Variants in CSMD1 observed in about 807,000 individuals in gnomAD.
CSMD1 encodes CUB and Sushi multiple domains 1.
Under a neutral mutation model 417.5 loss-of-function variants are expected in CSMD1, and 213 were observed. The observed-to-expected ratio is 0.51, with a 90% CI of 0.46 to 0.57. The LOEUF (loss-of-function observed/expected upper bound fraction) is 0.57. Among genes scored for constraint, CSMD1 ranks in the 20% least tolerant of loss-of-function variants. The pLI is 0.00. For synonymous variants in CSMD1, 2,862 were observed against 1,736.8 expected, an observed-to-expected ratio of 1.65 and a Z score of -16.11; for missense variants, 6,923 against 4,529.7, an observed-to-expected ratio of 1.53 and a Z score of -15.17.
chr8:3,664,064 G>A (rs1181769433), intron 7 of CSMD1, among the ~76,000 whole-genome samples: 4 of 151,964 alleles, frequency 2.6e-5, no homozygotes, highest in Non-Finnish European at 5.9e-5. Flanking sequence ...TAAGTTCTAG[G>A]GTACATGTGC....
chr8:3,786,107 T>C (rs926294890), intron 5 of CSMD1, among the ~76,000 whole-genome samples: 1 of 152,060 alleles, frequency 6.6e-6, no homozygotes, highest in African/African-American at 2.4e-5. Context: ...GGCGTGTAGT[T>C]TGTGAATCAA....
intron 1 of CSMD1, among the ~76,000 whole-genome samples, chr8:4,804,805 C>A (rs1169318751): frequency 2.6e-5 from 4 of 152,084 alleles, no homozygotes; most frequent in Non-Finnish European, 5.9e-5. Context: ...CCTAGGGGAC[C>A]TAATACAGAT....
Position 3,014,848 on chromosome 8 carries a change from C to A in CSMD1, c.8029+3629G>T, listed in dbSNP as rs185054860. ...GGAGGAGCACTTGAGTCCAGGAGGT[C>A]GAGGTAGCAGTGAGCTGTTGTTGCA... is the stretch of plus-strand genomic sequence containing the variant. On this transcript the variant is annotated intron_variant, in intron 52 of 69. Coordinates refer to ENST00000635120, the MANE Select transcript of CSMD1 (RefSeq NM_033225.6). Among the ~76,000 whole-genome samples, 578 of 151,950 alleles carry A rather than the reference C, an allele frequency of 3.8e-3. 13 individuals carry two copies. Among genetic ancestry groups the A allele is most frequent in the Non-Finnish European group, 1.0e-3 (71 of 67,990 alleles).
At chr8:4,717,329 ACACACACACG>A (rs1257272749) in intron 1 of CSMD1, among the ~76,000 whole-genome samples, 10 of 139,904 alleles carry the variant, frequency 7.1e-5, no homozygotes, top group East Asian at 4.2e-4. Flanking sequence ...ATATATATAC[ACACACACACG>A]TATATATACA....
At chr8:4,728,628 G>C (rs898887957) in intron 1 of CSMD1, among the ~76,000 whole-genome samples, 8 of 151,970 alleles carry the variant, frequency 5.3e-5, no homozygotes, top group African/African-American at 1.7e-4. Flanking sequence ...AAAATTCAAA[G>C]ACCCATGTAT....
chr8:4,159,753 T>G (rs1022358093), intron 3 of CSMD1, among the ~76,000 whole-genome samples: 3 of 152,184 alleles, frequency 2.0e-5, no homozygotes, highest in Non-Finnish European at 4.4e-5. Context: ...CACGCCCGGC[T>G]AATTTTTTAT....
intron 3 of CSMD1, among the ~76,000 whole-genome samples, chr8:4,194,406 T>G (rs1017387021): frequency 6.6e-6 from 1 of 152,162 alleles, no homozygotes; most frequent in African/African-American, 2.4e-5. Context: ...CAATGGACAC[T>G]CCAAATAGCT....
At chr8:3,990,252 ACTT>A (rs968925151) in intron 5 of CSMD1, among the ~76,000 whole-genome samples, 1 of 152,164 alleles carries the variant, frequency 6.6e-6, no homozygotes, top group Non-Finnish European at 1.5e-5. Context: ...TCCATAAAAG[ACTT>A]CTTTTTTCAT....
At chr8:3,425,629 G>C (rs527628897) in intron 12 of CSMD1, among the ~76,000 whole-genome samples, 3 of 150,190 alleles carry the variant, frequency 2.0e-5, no homozygotes, top group Admixed American at 2.0e-4. Context: ...GGAAAAAAAA[G>C]GAAATGCCCT....
chr8:3,721,486 A>G (rs1802172252), intron 6 of CSMD1, among the ~76,000 whole-genome samples: 1 of 152,220 alleles, frequency 6.6e-6, no homozygotes, highest in African/African-American at 2.4e-5. Flanking sequence ...ATCGGTCACT[A>G]AGATAGCAAG....
chr8:3,632,087 G>A (rs1446326371), intron 7 of CSMD1, among the ~76,000 whole-genome samples: 1 of 152,044 alleles, frequency 6.6e-6, no homozygotes, highest in Non-Finnish European at 1.5e-5. Context: ...TTTTGTTATT[G>A]TTGCTTTTAT....
chr8:4,478,231 A>G (rs1352852716), intron 2 of CSMD1, among the ~76,000 whole-genome samples: 3 of 152,200 alleles, frequency 2.0e-5, no homozygotes, highest in Non-Finnish European at 4.4e-5. Context: ...GTTAATACTG[A>G]AAAGCTTCCT....
intron 1 of CSMD1, among the ~76,000 whole-genome samples, chr8:4,814,700 T>A (rs960185353): frequency 6.6e-6 from 1 of 152,176 alleles, no homozygotes; most frequent in East Asian, 1.9e-4. Flanking sequence ...TCCCAGCTCA[T>A]GCAGGTGTAC....
At chr8:4,579,132 T>C (rs1032359230) in intron 2 of CSMD1, among the ~76,000 whole-genome samples, 3 of 152,038 alleles carry the variant, frequency 2.0e-5, no homozygotes, top group Admixed American at 1.3e-4. Flanking sequence ...AGAGCAGTAA[T>C]TGCAGAATGA....
At chr8:4,182,862 A>G (rs1436379607) in intron 3 of CSMD1, among the ~76,000 whole-genome samples, 6 of 152,204 alleles carry the variant, frequency 3.9e-5, no homozygotes, top group Non-Finnish European at 7.4e-5. Context: ...AATTAATAGC[A>G]TCAAACTCAG....
At chr8:3,796,611 G>C (rs75297283) in intron 5 of CSMD1, among the ~76,000 whole-genome samples, 3 of 146,440 alleles carry the variant, frequency 2.0e-5, no homozygotes, top group Admixed American at 1.4e-4. Context: ...ATAATGTATA[G>C]ATGTATAGAT....
At chr8:4,418,964 A>G (rs1050098382) in intron 3 of CSMD1, among the ~76,000 whole-genome samples, 5 of 152,194 alleles carry the variant, frequency 3.3e-5, no homozygotes, top group African/African-American at 1.2e-4. Context: ...ATGTCTCTGC[A>G]AAGAGAACCT....
intron 7 of CSMD1, among the ~76,000 whole-genome samples, chr8:3,624,837 T>G (rs1796417365): frequency 6.6e-6 from 1 of 152,210 alleles, no homozygotes; most frequent in African/African-American, 2.4e-5. Context: ...CTCATTGAAT[T>G]GAAAAGTAAT....
intron 2 of CSMD1, among the ~76,000 whole-genome samples, chr8:4,609,118 C>A (rs991635685): frequency 6.6e-6 from 1 of 152,112 alleles, no homozygotes; most frequent in Non-Finnish European, 1.5e-5. Context: ...ATGAAATACT[C>A]GCCAGATGCG....
Sources: gnomAD v4.1 joint callset for allele counts (sites outside exome capture counted in the v4.1 genomes callset) on GRCh38, gnomAD v4.1.1 for gene constraint, MANE v1.5 for transcripts, NCBI Gene and HGNC (gene_info 2026-07-23, HGNC 2026-07-21) for gene names.